Variants in DOCK6 observed in about 807,000 individuals in gnomAD.
DOCK6 encodes dedicator of cytokinesis 6.
DOCK6 carries 167 observed loss-of-function variants against 230.3 expected under a neutral mutation model. The observed-to-expected ratio is 0.73, with a 90% CI of 0.64 to 0.82. The LOEUF (loss-of-function observed/expected upper bound fraction) is 0.82. Ranked by LOEUF, DOCK6 falls within the 40% of genes least tolerant of loss-of-function variation. DOCK6 has a pLI of 0.00. For synonymous variants in DOCK6, 1,148 were observed against 1,185.0 expected, an observed-to-expected ratio of 0.97 and a Z score of 0.64; for missense variants, 2,598 against 2,825.8, an observed-to-expected ratio of 0.92 and a Z score of 1.83.
At chr19:11,258,361 T>C (rs1167376543) in intron 1 of DOCK6, among the ~76,000 whole-genome samples, 1 of 151,888 alleles carries the variant, frequency 6.6e-6, no homozygotes, top group African/African-American at 2.4e-5. Flanking sequence ...ATTGACCAAG[T>C]GGCCATTTCC....
intron 23 of DOCK6, among the ~76,000 whole-genome samples, chr19:11,227,723 G>A (rs947641203): frequency 3.3e-5 from 5 of 152,224 alleles, no homozygotes; most frequent in Admixed American, 2.6e-4. Flanking sequence ...TGTGGGTGGG[G>A]CTTGTGACCT....
chr19:11,255,569 C>CT (rs1331558114), intron 1 of DOCK6, among the ~76,000 whole-genome samples: 4 of 151,864 alleles, frequency 2.6e-5, no homozygotes, highest in African/African-American at 9.7e-5. Context: ...CCGCCTTGTA[C>CT]TTTTTTTTGA....
chr19:11,256,047 CA>C (rs1299163320), intron 1 of DOCK6, among the ~76,000 whole-genome samples: 11 of 152,308 alleles, frequency 7.2e-5, no homozygotes, highest in African/African-American at 2.6e-4. Context: ...CTCGGCCTCC[CA>C]AAGTGCTGGG....
In DOCK6 at chr19:11,243,851, C is replaced by T. The variant is rs1478809426; in HGVS notation, c.1055G>A (p.Ser352Asn). 1 of 1,612,760 alleles carries T rather than the reference C, an allele frequency of 6.2e-7. No individual in the cohort carries two copies. ...LEKVLQQGDISECCEPYMVLK... is the reference protein window; with the variant it reads ...LEKVLQQGDINECCEPYMVLK... ...CACCATGTAAGGCTCACAGCACTCACTGATGTCCCCTTGCTGAAGCACCTT... is the reference window on the plus strand; with the variant it reads ...CACCATGTAAGGCTCACAGCACTCATTGATGTCCCCTTGCTGAAGCACCTT... Residue 352 changes from serine (S) to asparagine (N), a missense_variant, in exon 10 of 48, where the codon AGT becomes AAT. Ser to Asn is a conservative substitution (Grantham distance 46). Coordinates refer to ENST00000294618, the MANE Select transcript of DOCK6 (RefSeq NM_020812.4). The surrounding 1 kb of genome is among the most constrained non-coding windows in gnomAD (Gnocchi z 6.3).
intron 23 of DOCK6, 126 bp downstream of exon 23, chr19:11,228,814 G>A (rs978258081): frequency 6.1e-6 from 5 of 821,710 alleles, no homozygotes; most frequent in East Asian, 2.8e-5. Flanking sequence ...CGCCCGCCTC[G>A]GCCTCCCAAA....
intron 1 of DOCK6, among the ~76,000 whole-genome samples, chr19:11,257,319 G>A (rs1363920829): frequency 6.7e-6 from 1 of 148,246 alleles, no homozygotes; most frequent in African/African-American, 2.5e-5. Flanking sequence ...TTTACACCAA[G>A]GTGAGATGTA....
rs201482446 is a variant in DOCK6, at chr19:11,228,982, G to A, written c.2772C>T (p.Arg924=). 3.2e-5 allele frequency: 51 copies of A among 1,613,610 alleles called. No individual in the cohort carries two copies. In the Admixed American group the frequency reaches 4.5e-4, roughly 14 times the overall value. The change falls in exon 23 of 48, where the codon CGC becomes CGT. Residue 924 remains arginine, a synonymous_variant. Transcript: ENST00000294618. ...ACCAGGCGTGCTGGAGGATGGCCTC[G>A]CGTACGGCACTGCTGCTGACCACCC... ...LQWVVSSSAV[R]EAILQHAWFF... is the part of the protein sequence containing the mutation.
Position 11,252,469 on chromosome 19 carries a change from A to G in DOCK6, c.377+13T>C. 2 of 1,613,774 alleles carry G rather than the reference A, an allele frequency of 1.2e-6. No individual in the cohort carries two copies. Among genetic ancestry groups the G allele is most frequent in the Non-Finnish European group, 1.7e-6 (2 of 1,179,842 alleles). On this transcript the variant is annotated intron_variant, in intron 4 of 47. Transcript: ENST00000294618. The stretch of plus-strand genomic sequence containing the variant: ...GTTCCGAACCCCCTGAGCTGCCCCT[A>G]AGTCAGACTCACCTTCTGTGGACAA...
Position 11,252,218 on chromosome 19 carries a change from G to A in DOCK6, c.408C>T (p.Pro136=), listed in dbSNP as rs540973995. 2.1e-5 allele frequency: 34 copies of A among 1,583,312 alleles called. No individual in the cohort carries two copies. The highest frequency in any genetic ancestry group is 1.8e-4 in the East Asian group (8 of 43,492). ...GCTCCCGCTGTGTGTCTGTGGTGACGGGGCTGTATGCTGCACTCAGGTACT... is the reference window on the plus strand; with the variant it reads ...GCTCCCGCTGTGTGTCTGTGGTGACAGGGCTGTATGCTGCACTCAGGTACT... The part of the protein sequence containing the change: ...RYQYLSAAYS[P]VTTDTQRERQ... The change falls in exon 5 of 48, where the codon CCC becomes CCT. Residue 136 remains proline, a synonymous_variant. Transcript: ENST00000294618.
chr19:11,252,582 A>G (rs1286441166), intron 3 of DOCK6, 32 bp from the exon 4 acceptor site: 4 of 1,612,710 alleles, frequency 2.5e-6, no homozygotes, highest in Non-Finnish European at 3.4e-6. Flanking sequence ...GTAAACAGAG[A>G]CAAGGCCTCT....
At chr19:11,257,055 C>T (rs553748553) in intron 1 of DOCK6, among the ~76,000 whole-genome samples, 6 of 151,810 alleles carry the variant, frequency 4.0e-5, no homozygotes, top group Admixed American at 1.3e-4. Context: ...GGTGCAATCA[C>T]GGCTTACTGC....
At chr19:11,233,552 G>A (rs1342596012) in intron 21 of DOCK6, among the ~76,000 whole-genome samples, 186 bp from the exon 22 acceptor site, 1 of 152,164 alleles carries the variant, frequency 6.6e-6, no homozygotes, top group African/African-American at 2.4e-5. Flanking sequence ...ACTGAGAATA[G>A]GCCAGGTACA....
At chr19:11,258,153 T>C (rs889249238) in intron 1 of DOCK6, among the ~76,000 whole-genome samples, 2 of 152,142 alleles carry the variant, frequency 1.3e-5, no homozygotes, top group Admixed American at 1.3e-4. Flanking sequence ...GGCAGGGGAA[T>C]ACTACCCAGC....
chr19:11,205,411 C>T (rs958819655), intron 39 of DOCK6, among the ~76,000 whole-genome samples: 3 of 151,932 alleles, frequency 2.0e-5, no homozygotes, highest in South Asian at 2.1e-4. Flanking sequence ...GGTATGATCT[C>T]GGCTCACTGC....
rs371101175 is a variant in DOCK6 at position 11,250,845 on chromosome 19, T to C, written c.720+29A>G. 1.8e-3 allele frequency: 2,835 copies of C among 1,587,666 alleles called. 31 individuals are homozygous for C. The highest frequency in any genetic ancestry group is 0.017 in the Middle Eastern group (79 of 4,676). On this transcript the variant is annotated intron_variant, in intron 6 of 47. Transcript: ENST00000294618. ...ACAATAGGCACCCAGTAAATGCTGG[T>C]TGGCTGATATCTGGGAAGGGGCACC...
In DOCK6 at chr19:11,251,014, G is replaced by C; in HGVS notation, c.580C>G (p.Leu194Val). ...RSSGASSIFD[L>V]RNLAADSLLP... is the part of the protein sequence containing the mutation. Reference sequence around the variant, plus strand: ...AATGAGTCAGCTGCCAGGTTCCTCAGGTCGAAGATGCTAGAGGCACCACTG... The same window carrying C: ...AATGAGTCAGCTGCCAGGTTCCTCACGTCGAAGATGCTAGAGGCACCACTG... Residue 194 changes from leucine (L) to valine (V), a missense_variant, in exon 6 of 48, where the codon CTG becomes GTG. Physicochemically the swap from Leu to Val is conservative, Grantham distance 32. Transcript: ENST00000294618. The C allele has an allele frequency of 6.2e-7, 1 of 1,613,834 alleles. No individual in the cohort carries two copies. The highest frequency in any genetic ancestry group is 8.5e-7 in the Non-Finnish European group (1 of 1,179,852).
intron 1 of DOCK6, among the ~76,000 whole-genome samples, chr19:11,259,546 T>C (rs567774564): frequency 2.3e-5 from 3 of 133,012 alleles, no homozygotes; most frequent in African/African-American, 7.7e-5. Flanking sequence ...AATGAATCAT[T>C]ATTTCTTTTC....
Position 11,201,850 on chromosome 19 carries a change from C to T in DOCK6, c.5688+39G>A, listed in dbSNP as rs1568662693. On this transcript the variant is annotated intron_variant, in intron 44 of 47. Transcript: ENST00000294618. The surrounding 1 kb of genome is among the most constrained non-coding windows in gnomAD (Gnocchi z 4.3). ...CCCCTCCCAGGGTCTGATGTCCCCT[C>T]ACCTCCCCACCCCCGCCAGGCCCAG... 7.1e-7 allele frequency: 1 copy of T among 1,415,010 alleles called. No individual in the cohort carries two copies. The highest frequency in any genetic ancestry group is 1.2e-5 in the South Asian group (1 of 80,188). The allele number at this position is 1,415,010 out of a possible 1,614,324, so 87.7% of individuals were successfully genotyped here.
At position 11,200,561 on chromosome 19, in the gene DOCK6, C is replaced by A; in HGVS notation, c.5940-92G>T. On this transcript the variant is annotated intron_variant, in intron 46 of 47. Coordinates refer to ENST00000294618, the MANE Select transcript of DOCK6 (RefSeq NM_020812.4). The surrounding 1 kb of genome is among the most constrained non-coding windows in gnomAD (Gnocchi z 4.3). Reference sequence around the variant, plus strand: ...GGGGCACCCATAAGGCGGGACCAGGCCTGCAGAAAGACCCGCAATAGGAGG... The same window carrying A: ...GGGGCACCCATAAGGCGGGACCAGGACTGCAGAAAGACCCGCAATAGGAGG... 1 of 1,540,764 alleles carries A rather than the reference C, an allele frequency of 6.5e-7. No homozygotes were observed. The highest frequency in any genetic ancestry group is 8.8e-7 in the Non-Finnish European group (1 of 1,142,428).
Sources: gnomAD v4.1 joint callset for allele counts (sites outside exome capture counted in the v4.1 genomes callset) on GRCh38, gnomAD v4.1.1 for gene constraint, Gnocchi (gnomAD v3.1) non-coding constraint, MANE v1.5 for transcripts, NCBI Gene and HGNC (gene_info 2026-07-23, HGNC 2026-07-21) for gene names.